COL4A3: variants seen among roughly 807,000 people sequenced by gnomAD.
COL4A3 encodes collagen type IV alpha 3 chain.
In COL4A3, 135 loss-of-function variants were observed where a neutral mutation model predicts 217.4. The observed-to-expected ratio is 0.62, with a 90% CI of 0.54 to 0.72. The LOEUF is 0.72. Ranked by LOEUF, COL4A3 falls within the 30% of genes least tolerant of loss-of-function variation. COL4A3 has a pLI of 0.00. For synonymous variants in COL4A3, 690 were observed against 736.3 expected (o/e 0.94, Z 1.02); for missense variants, 1,868 against 2,119.9 (o/e 0.88, Z 2.33).
intron 47 of COL4A3, 38 bp downstream of exon 47, chr2:227,305,121 A>G: frequency 6.4e-7 from 1 of 1,565,856 alleles, no homozygotes; most frequent in Non-Finnish European, 8.8e-7. Flanking sequence ...AAGAAGTGCT[A>G]TTTCGACATA....
chr2:227,197,121 C>T (rs1352638805), intron 1 of COL4A3, among the ~76,000 whole-genome samples: 1 of 152,212 alleles, frequency 6.6e-6, no homozygotes, highest in African/African-American at 2.4e-5. Flanking sequence ...TGTGAGGCCT[C>T]CCCAGCCACC....
rs1485156871 is a variant in COL4A3 at position 227,244,300 on chromosome 2, CT to C, written c.235-14del. The C allele has an allele frequency of 6.2e-7, 1 of 1,613,114 alleles. No individual in the cohort carries two copies. The highest frequency in any genetic ancestry group is 8.5e-7 in the Non-Finnish European group (1 of 1,179,292). ...ATAATTTTCAGAGTGTTTACTTTTT[CT>C]TTTTTCACTTGAATCTAGGGCTTTC... On this transcript the variant is annotated intron_variant, in intron 3 of 51. Coordinates refer to ENST00000396578, the MANE Select transcript of COL4A3 (RefSeq NM_000091.5).
chr2:227,277,095 G>A (rs1411855393), intron 27 of COL4A3, among the ~76,000 whole-genome samples: 8 of 152,028 alleles, frequency 5.3e-5, no homozygotes, highest in South Asian at 2.1e-4. Flanking sequence ...CGACGCAGGC[G>A]GATCACGAGG....
chr2:227,302,440 G>A (rs2073325385), intron 43 of COL4A3, among the ~76,000 whole-genome samples: 2 of 152,068 alleles, frequency 1.3e-5, no homozygotes, highest in South Asian at 4.1e-4. Context: ...ACTTTGGGAG[G>A]CCGAGGTGGG....
intron 1 of COL4A3, among the ~76,000 whole-genome samples, chr2:227,200,123 A>C (rs1651062834): frequency 6.6e-6 from 1 of 152,218 alleles, no homozygotes; most frequent in Non-Finnish European, 1.5e-5. Context: ...GCAGAGCCTG[A>C]CTGTCACCCC....
At chr2:227,270,152 T>C (rs1179698873) in intron 24 of COL4A3, among the ~76,000 whole-genome samples, 172 bp downstream of exon 24, 1 of 152,194 alleles carries the variant, frequency 6.6e-6, no homozygotes, top group Non-Finnish European at 1.5e-5. Flanking sequence ...AGTCAATGAA[T>C]TTATAAACAG....
rs1455407234 is a variant in COL4A3 at position 227,309,359 on chromosome 2, C to G, written c.4755+41C>G. On this transcript the variant is annotated intron_variant, in intron 50 of 51. Coordinates refer to ENST00000396578, the MANE Select transcript of COL4A3 (RefSeq NM_000091.5). ...ACAGGAGGTTTAGGGTAAAGACTACCTGTAGAATGTTACATTGTGCTGGGT... is the reference window on the plus strand; with the variant it reads ...ACAGGAGGTTTAGGGTAAAGACTACGTGTAGAATGTTACATTGTGCTGGGT... 4.1e-6 allele frequency: 6 copies of G among 1,456,324 alleles called. No individual in the cohort carries two copies. The Admixed American group carries it at 5.3e-5, about 13-fold the overall frequency. The allele number at this position is 1,456,324 out of a possible 1,614,324, so 90.2% of individuals were successfully genotyped here.
chr2:227,263,778 AG>A lies in COL4A3; in HGVS notation c.1151del, dbSNP rs1166011670. 1 of 1,613,268 alleles carries A rather than the reference AG, an allele frequency of 6.2e-7. No homozygotes were observed. Among genetic ancestry groups the A allele is most frequent in the Non-Finnish European group, 8.5e-7 (1 of 1,179,478 alleles). ...ATACAAGAAATGATTATTTTCTCCA[AG>A]GATCATCAAGGCCTGGCCTCAGAGG... On this transcript the variant is annotated splice_acceptor_variant, in intron 20 of 51. Coordinates refer to ENST00000396578, the MANE Select transcript of COL4A3 (RefSeq NM_000091.5). LOFTEE classifies it high-confidence loss of function.
chr2:227,261,396 G>A lies in COL4A3; in HGVS notation c.1150+279G>A, dbSNP rs55918117. ...AAAAAAATTAGCTGGGCGTGGTGGC[G>A]TACGCCTGTAATTCCAGCTAGTCGG... On this transcript the variant is annotated intron_variant, in intron 20 of 51. Transcript: ENST00000396578. 0.031 allele frequency among the ~76,000 whole-genome samples: 4,750 copies of A among 152,228 alleles called. 124 individuals carry two copies. The highest frequency in any genetic ancestry group is 0.046 in the Admixed American group (704 of 15,290).
At position 227,280,563 on chromosome 2, in the gene COL4A3, G is replaced by A. The variant is rs1310041969; in HGVS notation, c.2347G>A (p.Gly783Arg). ...ACTTCCAGGTCTCCCTGGAACTCCA[G>A]GAAATGAAGGGCTTGATGGACCACG... Reference protein sequence around the residue: ...PGLPGLPGTPGNEGLDGPRGD... With the variant: ...PGLPGLPGTPRNEGLDGPRGD... The change falls in exon 30 of 52, where the codon GGA becomes AGA. Residue 783 changes from glycine (G) to arginine (R), a missense_variant. By Grantham distance (125) the Gly-to-Arg change is moderately radical (BLOSUM62 -2). Around this residue, in one of 2 missense-constraint regions of COL4A3, gnomAD observed 1,503 missense variants for 1,786.1 expected, o/e 0.84. Transcript: ENST00000396578. 1.9e-6 allele frequency: 3 copies of A among 1,614,008 alleles called. No individual in the cohort carries two copies. Among genetic ancestry groups the A allele is most frequent in the Admixed American group, 1.7e-5 (1 of 60,008 alleles).
chr2:227,204,380 C>G (rs1050910596), intron 1 of COL4A3, among the ~76,000 whole-genome samples: 1 of 151,968 alleles, frequency 6.6e-6, no homozygotes, highest in Non-Finnish European at 1.5e-5. Context: ...TTCTCTTTCT[C>G]TATCTTATGT....
At chr2:227,245,529 C>G (rs1295726330) in intron 5 of COL4A3, among the ~76,000 whole-genome samples, 5 of 152,084 alleles carry the variant, frequency 3.3e-5, no homozygotes, top group Non-Finnish European at 5.9e-5. Context: ...CTAACCCCCA[C>G]AGGTGCTGAA....
intron 1 of COL4A3, among the ~76,000 whole-genome samples, chr2:227,211,674 T>TTTAC (rs1171989533): frequency 6.6e-6 from 1 of 150,698 alleles, no homozygotes; most frequent in Non-Finnish European, 1.5e-5. Flanking sequence ...TATTTATTTA[T>TTTAC]TGAGACAGAG....
chr2:227,260,076 T>C (rs1160327876), intron 19 of COL4A3, 199 bp downstream of exon 19: 2 of 739,048 alleles, frequency 2.7e-6, no homozygotes, highest in East Asian at 2.6e-5. Context: ...AGGAAGGTAA[T>C]TAAATTATCT....
chr2:227,294,190 G>A (rs2072915509), intron 38 of COL4A3: 2 of 378,600 alleles, frequency 5.3e-6, no homozygotes, highest in East Asian at 6.0e-5. Context: ...TAAACTACCT[G>A]TTCAAATACA....
chr2:227,189,160 G>A (rs2066139806), intron 1 of COL4A3, among the ~76,000 whole-genome samples: 1 of 152,158 alleles, frequency 6.6e-6, no homozygotes, highest in African/African-American at 2.4e-5. Context: ...GAGCTGGGGA[G>A]AAAGGCAGGG....
At chr2:227,222,659 G>A (rs1211888606) in intron 1 of COL4A3, 1 of 152,222 alleles carries the variant, frequency 6.6e-6, no homozygotes, top group African/African-American at 2.4e-5. Flanking sequence ...GGTTGAGGGA[G>A]GTAGTCTTTC....
intron 23 of COL4A3, 151 bp downstream of exon 23, chr2:227,267,239 G>C: frequency 1.5e-6 from 1 of 685,828 alleles, no homozygotes; most frequent in Non-Finnish European, 2.6e-6. Context: ...TTAACATAAA[G>C]TCAGCCAAAA....
At chr2:227,172,278 C>T (rs1283478272) in intron 1 of COL4A3, among the ~76,000 whole-genome samples, 1 of 152,188 alleles carries the variant, frequency 6.6e-6, no homozygotes, top group Non-Finnish European at 1.5e-5. Flanking sequence ...ACCGCCTGAC[C>T]ATCATATGAT....
Sources: gnomAD v4.1 joint callset for allele counts (sites outside exome capture counted in the v4.1 genomes callset) on GRCh38, gnomAD v4.1.1 for gene constraint, gnomAD v4.1.1 regional missense constraint, MANE v1.5 for transcripts, NCBI Gene and HGNC (gene_info 2026-07-23, HGNC 2026-07-21) for gene names.